The following CDH13 variants were observed in gnomAD, a reference collection of about 807,000 sequenced individuals.
The protein encoded by CDH13 is cadherin 13.
Under a neutral mutation model 63.8 loss-of-function variants are expected in CDH13, and 24 were observed. That is an observed-to-expected ratio of 0.38 (90% CI 0.27 to 0.53). The LOEUF (loss-of-function observed/expected upper bound fraction) is 0.53. Ranked by LOEUF, CDH13 falls within the 20% of genes least tolerant of loss-of-function variation. The pLI is 0.85. For missense variants in CDH13, 1,049 were observed against 903.1 expected (o/e 1.16, Z -2.07); for synonymous variants, 503 against 355.3 (o/e 1.42, Z -4.67).
chr16:83,501,337 C>G (rs2074279309), intron 7 of CDH13, among the ~76,000 whole-genome samples: 1 of 152,210 alleles, frequency 6.6e-6, no homozygotes, highest in South Asian at 2.1e-4. Context: ...GGTATTTTCT[C>G]TCCCGTGTCT....
chr16:83,253,375 G>T (rs748314711), intron 5 of CDH13, among the ~76,000 whole-genome samples: 36 of 152,270 alleles, frequency 2.4e-4, no homozygotes, highest in Admixed American at 3.3e-4. Flanking sequence ...CTAGAAAGCC[G>T]CCTCAACTGC....
chr16:82,934,294 C>G (rs2042595902), intron 2 of CDH13, among the ~76,000 whole-genome samples: 1 of 152,216 alleles, frequency 6.6e-6, no homozygotes, highest in Non-Finnish European at 1.5e-5. Context: ...TCGAGGCTTG[C>G]ACCCTCTGAA....
At chr16:83,500,319 TCC>T (rs773095029) in intron 7 of CDH13, among the ~76,000 whole-genome samples, 234 of 614 alleles carry the variant, frequency 0.38, 109 homozygotes, top group East Asian at 1. Flanking sequence ...CTTCTCCTTC[TCC>T]TCCTCCTCCT....
chr16:83,672,568 G>A (rs1438640101), intron 9 of CDH13, among the ~76,000 whole-genome samples: 2 of 151,574 alleles, frequency 1.3e-5, no homozygotes, highest in African/African-American at 2.4e-5. Context: ...GGGATTACAG[G>A]TGCATGCCAC....
chr16:83,484,386 A>T (rs2073840190), intron 6 of CDH13, among the ~76,000 whole-genome samples: 2 of 152,236 alleles, frequency 1.3e-5, no homozygotes, highest in African/African-American at 4.8e-5. Flanking sequence ...GTCCAGACAG[A>T]TTCAAAATCA....
At chr16:83,157,738 TA>T (rs58336254) in intron 4 of CDH13, among the ~76,000 whole-genome samples, 5,067 of 99,264 alleles carry the variant, frequency 0.051, 135 homozygotes, top group African/African-American at 0.095. Context: ...ACTAGAAATA[TA>T]AAAAAAAAAA....
intron 6 of CDH13, among the ~76,000 whole-genome samples, chr16:83,471,392 A>G (rs144948253): frequency 0.025 from 3,796 of 148,938 alleles, 159 homozygotes; most frequent in African/African-American, 0.088. Flanking sequence ...CTCCTTCCTC[A>G]GCCTCCTGAG....
intron 2 of CDH13, among the ~76,000 whole-genome samples, chr16:82,945,724 T>A (rs532940956): frequency 3.7e-4 from 57 of 152,318 alleles, no homozygotes; most frequent in African/African-American, 1.3e-3. Flanking sequence ...TCCTTCCATC[T>A]TGCTGAATAT....
At chr16:83,273,839 T>C (rs1031662142) in intron 5 of CDH13, among the ~76,000 whole-genome samples, 7 of 152,130 alleles carry the variant, frequency 4.6e-5, no homozygotes, top group Admixed American at 2.6e-4. Context: ...TGTAAGAAAA[T>C]TGAGGCTCAG....
At chr16:82,770,339 G>C (rs1011400528) in intron 1 of CDH13, among the ~76,000 whole-genome samples, 1 of 152,300 alleles carries the variant, frequency 6.6e-6, no homozygotes, top group South Asian at 2.1e-4. Context: ...TCCTTAATTA[G>C]AGAAAATTTG....
chr16:83,563,649 C>T (rs944602079), intron 7 of CDH13, among the ~76,000 whole-genome samples: 1 of 152,120 alleles, frequency 6.6e-6, no homozygotes, highest in Non-Finnish European at 1.5e-5. Flanking sequence ...CTAGAAACGA[C>T]CAGTTTTAGG....
intron 6 of CDH13, among the ~76,000 whole-genome samples, chr16:83,458,812 G>A (rs752569594): frequency 9.9e-5 from 15 of 152,130 alleles, no homozygotes; most frequent in Non-Finnish European, 1.3e-4. Flanking sequence ...CCACAGCACC[G>A]GTTGTCTCTT....
At chr16:82,908,455 A>C (rs996570228) in intron 2 of CDH13, among the ~76,000 whole-genome samples, 5 of 152,224 alleles carry the variant, frequency 3.3e-5, no homozygotes, top group East Asian at 1.9e-4. Context: ...ATGGCACCCC[A>C]GGTTAACACA....
chr16:82,709,378 C>T (rs1471420543), intron 1 of CDH13, among the ~76,000 whole-genome samples: 1 of 152,136 alleles, frequency 6.6e-6, no homozygotes, highest in Non-Finnish European at 1.5e-5. Flanking sequence ...AATTCTATGT[C>T]TTATTTAAAG....
intron 5 of CDH13, among the ~76,000 whole-genome samples, chr16:83,254,801 T>C (rs1906006073): frequency 1.3e-5 from 2 of 152,202 alleles, no homozygotes; most frequent in Non-Finnish European, 2.9e-5. Context: ...ACTGTAACCA[T>C]AAAGATAACT....
intron 8 of CDH13, among the ~76,000 whole-genome samples, chr16:83,636,548 G>A (rs1032669274): frequency 2.6e-5 from 4 of 152,090 alleles, no homozygotes; most frequent in African/African-American, 9.7e-5. Context: ...TTAGTTTTCT[G>A]CTTCTGTTCA....
intron 3 of CDH13, among the ~76,000 whole-genome samples, chr16:83,056,205 G>A (rs1202754042): frequency 6.6e-6 from 1 of 152,140 alleles, no homozygotes; most frequent in African/African-American, 2.4e-5. Flanking sequence ...AATTTAAAAA[G>A]TAAGTATAAT....
At chr16:82,953,382 G>C (rs1235401046) in intron 2 of CDH13, 1 of 152,116 alleles carries the variant, frequency 6.6e-6, no homozygotes, top group African/African-American at 2.4e-5. Flanking sequence ...ACCAACATGG[G>C]GTTTCTAGCT....
At position 83,109,279 on chromosome 16, in the gene CDH13, C is replaced by T. The variant is rs77327363; in HGVS notation, c.367-16106C>T. Among the ~76,000 whole-genome samples, 247 of 152,138 alleles carry T rather than the reference C, an allele frequency of 1.6e-3. 1 individual carries two copies. The highest frequency in any genetic ancestry group is 4.5e-3 in the East Asian group (23 of 5,158). On this transcript the variant is annotated intron_variant, in intron 3 of 13. Transcript: ENST00000567109. ...GGTGGAATCTGTAGGACTTGGCAAC[C>T]GCTCGTGAGTGCAGTATGGTGGGAA...
Sources: gnomAD v4.1 joint callset for allele counts (sites outside exome capture counted in the v4.1 genomes callset) on GRCh38, gnomAD v4.1.1 for gene constraint, MANE v1.5 for transcripts, NCBI Gene and HGNC (gene_info 2026-07-23, HGNC 2026-07-21) for gene names.